The following CLSPN variants were observed in gnomAD, a reference collection of about 807,000 sequenced individuals.
CLSPN encodes claspin homolog.
CLSPN carries 85 observed loss-of-function variants against 156.3 expected under a neutral mutation model. That is an observed-to-expected ratio of 0.54 (90% confidence interval 0.46 to 0.65). The LOEUF is 0.65. Among genes scored for constraint, CLSPN ranks in the 30% least tolerant of loss-of-function variants. The pLI is 0.00. For synonymous variants in CLSPN, 534 were observed against 542.4 expected (o/e 0.98, Z 0.22); for missense variants, 1,407 against 1,554.9 (o/e 0.90, Z 1.60).
chr1:35,753,661 T>G, intron 9 of CLSPN, 84 bp downstream of exon 9: 13 of 1,318,138 alleles, frequency 9.9e-6, no homozygotes, highest in Non-Finnish European at 1.4e-5. Flanking sequence ...TCTATAACTT[T>G]TCATTATAAG....
At position 35,739,446 on chromosome 1, in the gene CLSPN, A is replaced by G. The variant is rs372941443; in HGVS notation, c.3227T>C (p.Ile1076Thr). The G allele has an allele frequency of 5.6e-6, 9 of 1,613,646 alleles. No individual in the cohort carries two copies. In the African/African-American group the frequency reaches 8.0e-5, roughly 14 times the overall value. ...GSEDEYDGEEIDEYEEDVIDE... is the reference protein window; with the variant it reads ...GSEDEYDGEETDEYEEDVIDE... ...AATTACGTCCTCTTCATATTCATCAATTTCTTCCCCATCATACTCATCTTC... is the reference window on the plus strand; with the variant it reads ...AATTACGTCCTCTTCATATTCATCAGTTTCTTCCCCATCATACTCATCTTC... The change falls in exon 19 of 25, where the codon ATT becomes ACT. Residue 1076 changes from isoleucine to threonine, a missense_variant. Physicochemically the swap from Ile to Thr is moderately conservative, Grantham distance 89. Transcript: ENST00000318121.
At chr1:35,753,241 G>A (rs1022405577) in intron 9 of CLSPN, among the ~76,000 whole-genome samples, 1 of 152,008 alleles carries the variant, frequency 6.6e-6, no homozygotes, top group Non-Finnish European at 1.5e-5. Flanking sequence ...ACAGGTGCAG[G>A]CCACCATGCC....
At chr1:35,760,213 GAAC>G (rs1642425685) in intron 8 of CLSPN, 126 bp downstream of exon 8, 1 of 686,760 alleles carries the variant, frequency 1.5e-6, no homozygotes, top group South Asian at 2.1e-5. Context: ...CCCATATCTG[GAAC>G]AACTGCAGGA....
At chr1:35,752,398 C>T (rs1396470021) in intron 9 of CLSPN, among the ~76,000 whole-genome samples, 5 of 151,880 alleles carry the variant, frequency 3.3e-5, no homozygotes, top group East Asian at 3.9e-4. Context: ...GCCAACATAG[C>T]GAAACTTCAT....
chr1:35,732,275 C>G lies in CLSPN; in HGVS notation c.*4221G>C. ...ACACTCCTCCCAGAAATACTCTCCTCTATCCTTAGGAGCACAAATCCCAGG... is the reference window on the plus strand; with the variant it reads ...ACACTCCTCCCAGAAATACTCTCCTGTATCCTTAGGAGCACAAATCCCAGG... On this transcript the variant is annotated 3_prime_UTR_variant, in exon 25 of 25. Coordinates refer to ENST00000318121, the MANE Select transcript of CLSPN (RefSeq NM_022111.4). 1 of 985,402 alleles carries G rather than the reference C, an allele frequency of 1.0e-6. No homozygotes were observed. The highest frequency in any genetic ancestry group is 1.2e-6 in the Non-Finnish European group (1 of 829,920). The allele number at this position is 985,402 out of a possible 1,614,324, so 61.0% of individuals were successfully genotyped here.
At position 35,765,234 on chromosome 1, in the gene CLSPN, T is replaced by G; in HGVS notation, c.117A>C (p.Gly39=). The part of the protein sequence containing the change: ...DSGQGSYETI[G]PLSEGDSDEE... ...ATTACAAACCTCCTTCACTCAAGGG[T>G]CCAATTGTTTCATAGCTGCCCTGTC... is the stretch of plus-strand genomic sequence containing the variant. Residue 39 remains glycine, a synonymous_variant, in exon 2 of 25, where the codon GGA becomes GGC. Transcript: ENST00000318121. 1 of 1,611,616 alleles carries G rather than the reference T, an allele frequency of 6.2e-7. No homozygotes were observed.
intron 1 of CLSPN, among the ~76,000 whole-genome samples, chr1:35,765,940 T>G (rs139276802): frequency 2.6e-5 from 4 of 151,518 alleles, no homozygotes; most frequent in African/African-American, 9.7e-5. Flanking sequence ...ATATGCAATC[T>G]AGACGTGGGA....
rs778113631 is a variant in CLSPN, at chr1:35,748,028, T to C, written c.2506A>G (p.Ile836Val). ...SGKLSEPSLP[I>V]EDSQDLYNAS... ...TTATACAGATCCTGGGAATCCTCTA[T>C]GGGAAGTGAAGGCTCAGACAGTTTC... is the stretch of plus-strand genomic sequence containing the variant. Residue 836 changes from isoleucine (I) to valine (V), a missense_variant, in exon 14 of 25, where the codon ATA becomes GTA. This residue lies in a region of CLSPN where 1,096 missense variants were observed against 1,193.0 expected (regional missense o/e 0.92). Coordinates refer to ENST00000318121, the MANE Select transcript of CLSPN (RefSeq NM_022111.4). 1 of 1,613,814 alleles carries C rather than the reference T, an allele frequency of 6.2e-7. No individual in the cohort carries two copies. Among genetic ancestry groups the C allele is most frequent in the South Asian group, 1.1e-5 (1 of 91,008 alleles).
rs1192612447 is a variant in CLSPN at position 35,739,168 on chromosome 1, C to T, written c.3398G>A (p.Gly1133Glu). ...ADGDLHSDGP[G>E]RMRKFRWKNI... ...TTTCCATCGAAACTTCCTCATTCGC[C>T]CAGGACCATCGCTGTGCAGATCCCC... The change falls in exon 20 of 25, where the codon GGG becomes GAG. Residue 1133 changes from glycine (G) to glutamate (E), a missense_variant. This residue lies in a region of CLSPN where 70 missense variants were observed against 121.5 expected (regional missense o/e 0.58). Coordinates refer to ENST00000318121, the MANE Select transcript of CLSPN (RefSeq NM_022111.4). The T allele has an allele frequency of 6.2e-7, 1 of 1,614,118 alleles. No individual in the cohort carries two copies. The highest frequency in any genetic ancestry group is 2.2e-5 in the East Asian group (1 of 44,886).
chr1:35,750,761 C>G (rs1642056091), intron 10 of CLSPN, among the ~76,000 whole-genome samples: 1 of 151,996 alleles, frequency 6.6e-6, no homozygotes, highest in African/African-American at 2.4e-5. Flanking sequence ...GAAAACAGTA[C>G]TACGGAACAA....
At chr1:35,738,632 G>A in intron 20 of CLSPN, 50 bp from the exon 21 acceptor site, 1 of 1,601,828 alleles carries the variant, frequency 6.2e-7, no homozygotes, top group Non-Finnish European at 8.5e-7. Flanking sequence ...CACAGGAGAG[G>A]GTGCTTGGAC....
intron 1 of CLSPN, 152 bp downstream of exon 1, chr1:35,769,695 G>A: frequency 6.3e-6 from 4 of 636,718 alleles, no homozygotes; most frequent in Non-Finnish European, 9.7e-6. Flanking sequence ...TCCCGGCCGA[G>A]TCTCGAGGCC....
intron 2 of CLSPN, 33 bp downstream of exon 2, chr1:35,765,185 C>T: frequency 7.3e-7 from 1 of 1,364,768 alleles, no homozygotes; most frequent in Non-Finnish European, 1.0e-6. Flanking sequence ...GCTCCCGCAA[C>T]CTATTCCTAA....
intron 18 of CLSPN, among the ~76,000 whole-genome samples, chr1:35,739,763 G>A (rs1409587715): frequency 1.3e-5 from 2 of 152,224 alleles, no homozygotes; most frequent in Non-Finnish European, 2.9e-5. Flanking sequence ...TTACGATGGA[G>A]TTATATCTGG....
chr1:35,738,582 T>A lies in CLSPN; in HGVS notation c.3431A>T (p.Asp1144Val). Residue 1144 changes from aspartate to valine, a missense_variant and splice_region_variant, in exon 21 of 25, where the codon GAT becomes GTT. Around this residue, in one of 3 missense-constraint regions of CLSPN, gnomAD observed 241 missense variants for 240.5 expected, o/e 1.00. Transcript: ENST00000318121. ...GAACAAGTCCATCTGGGAAGCATCA[T>A]CTAAACAAAGAGTGAAGGTAATCAG... The part of the protein sequence containing the change: ...RMRKFRWKNI[D>V]DASQMDLFHR... 1 of 1,613,858 alleles carries A rather than the reference T, an allele frequency of 6.2e-7. No individual in the cohort carries two copies. Among genetic ancestry groups the A allele is most frequent in the African/African-American group, 1.3e-5 (1 of 75,022 alleles).
chr1:35,733,463 G>C lies in CLSPN; in HGVS notation c.*3033C>G. 1 of 985,024 alleles carries C rather than the reference G, an allele frequency of 1.0e-6. No individual in the cohort carries two copies. 61.0% of individuals were successfully genotyped at this position (985,024 alleles called of 1,614,324 possible). On this transcript the variant is annotated 3_prime_UTR_variant, in exon 25 of 25. Transcript: ENST00000318121. ...ACCTGGCTGAATTTTCTTATCCTCA[G>C]TTGTCAATTCCAATTGTCTTTTCTA...
rs1414281410 is a variant in CLSPN, at chr1:35,764,560, T to C, written c.288A>G (p.Lys96=). 6.8e-6 allele frequency: 11 copies of C among 1,614,004 alleles called. No individual in the cohort carries two copies. The highest frequency in any genetic ancestry group is 9.3e-6 in the Non-Finnish European group (11 of 1,179,998). The change falls in exon 3 of 25, where the codon AAA becomes AAG. Residue 96 remains lysine, a synonymous_variant. Transcript: ENST00000318121. ...EENKENLYAG[K]NTKIKRIYKT... is the part of the protein sequence containing the mutation. ...TGTAAATCCTTTTGATTTTTGTATT[T>C]TTCCCAGCATATAAATTCTCTTTAT...
chr1:35,726,001 G>A (rs1271317814), intron 24 of CLSPN, among the ~76,000 whole-genome samples: 1 of 151,750 alleles, frequency 6.6e-6, no homozygotes, highest in Non-Finnish European at 1.5e-5. Context: ...CCTCTTCCTC[G>A]TAAGGAAGTA....
At chr1:35,761,011 G>T in intron 7 of CLSPN, 85 bp downstream of exon 7, 3 of 1,405,168 alleles carry the variant, frequency 2.1e-6, no homozygotes, top group Non-Finnish European at 2.0e-6. Context: ...TTTTAAGGGA[G>T]TGAGAAATCT....
Sources: gnomAD v4.1 joint callset for allele counts (sites outside exome capture counted in the v4.1 genomes callset) on GRCh38, gnomAD v4.1.1 for gene constraint, gnomAD v4.1.1 regional missense constraint, MANE v1.5 for transcripts, NCBI Gene and HGNC (gene_info 2026-07-23, HGNC 2026-07-21) for gene names.